The following LAMP5 variants were observed in gnomAD, a reference collection of about 807,000 sequenced individuals.
LAMP5 encodes the protein lysosome associated membrane protein 5.
A neutral mutation model predicts 30.2 loss-of-function variants in LAMP5; 36 were observed. That is an observed-to-expected ratio of 1.19 (90% CI 0.91 to 1.57). LAMP5 has a LOEUF of 1.57. LAMP5 is among the 40% of genes most tolerant of loss of function. The pLI is 0.00. For missense variants in LAMP5, 377 were observed against 354.9 expected, an observed-to-expected ratio of 1.06 and a Z score of -0.50; for synonymous variants, 149 against 134.6, an observed-to-expected ratio of 1.11 and a Z score of -0.74.
At position 9,515,644 on chromosome 20, in the gene LAMP5, C is replaced by T. The variant is rs186414732; in HGVS notation, c.237+19C>T. On this transcript the variant is annotated intron_variant, in intron 2 of 5. Transcript: ENST00000246070. ...CGTAGATGTAAGGAATCTTTCCCCC[C>T]CCTCAGCTTGCTCCTAGGGCTCCAG... 8.0e-4 allele frequency: 1,283 copies of T among 1,612,006 alleles called. 11 individuals are homozygous for T. The African/African-American group carries it at 0.014, about 18-fold the overall frequency.
At chr20:9,524,487 T>TC (rs1453822329) in intron 5 of LAMP5, among the ~76,000 whole-genome samples, 4 of 150,308 alleles carry the variant, frequency 2.7e-5, no homozygotes, top group African/African-American at 9.8e-5. Flanking sequence ...TTTTTTTTTT[T>TC]CCCGTGGGTC....
intron 3 of LAMP5, 30 bp from the exon 4 acceptor site, chr20:9,516,226 C>T (rs374930912): frequency 1.4e-5 from 23 of 1,612,530 alleles, no homozygotes; most frequent in Admixed American, 3.3e-5. Context: ...GCTGCGGGGA[C>T]GATTGAAGCG....
intron 5 of LAMP5, among the ~76,000 whole-genome samples, chr20:9,520,578 C>CGTGTGTGT (rs34089408): frequency 1.4e-5 from 2 of 144,514 alleles, no homozygotes; most frequent in East Asian, 2.1e-4. Context: ...TCCGTGTGTT[C>CGTGTGTGT]GTGTGTGTGT....
In LAMP5 at chr20:9,514,831, C is replaced by T; in HGVS notation, c.-22C>T. The stretch of plus-strand genomic sequence containing the variant: ...GCGGCCTCTGCAGCAGCACAGCCGG[C>T]CTCATTCGGGGCACTGCGAGTATGG... On this transcript the variant is annotated 5_prime_UTR_variant, in exon 1 of 6. Transcript: ENST00000246070. 1.2e-6 allele frequency: 2 copies of T among 1,613,372 alleles called. No homozygotes were observed. Among genetic ancestry groups the T allele is most frequent in the Non-Finnish European group, 1.7e-6 (2 of 1,179,400 alleles).
intron 4 of LAMP5, among the ~76,000 whole-genome samples, chr20:9,517,401 T>G (rs775467924): frequency 1.3e-5 from 2 of 152,074 alleles, no homozygotes; most frequent in African/African-American, 2.4e-5. Context: ...ACCAAGTCAC[T>G]GTTCCTTCTG....
Position 9,515,601 on chromosome 20 carries a change from T to C in LAMP5, c.213T>C (p.Asp71=). The part of the protein sequence containing the change: ...EFAAKFIVPY[D]VWASNYVDLI... ...CAGCCAAATTTATTGTACCTTATGA[T>C]GTGTGGGCCAGCAACTACGTAGATG... The change falls in exon 2 of 6, where the codon GAT becomes GAC. Residue 71 remains aspartate (D), a synonymous_variant. Transcript: ENST00000246070. 1.2e-6 allele frequency: 2 copies of C among 1,614,056 alleles called. No homozygotes were observed. The highest frequency in any genetic ancestry group is 1.7e-6 in the Non-Finnish European group (2 of 1,180,000).
intron 5 of LAMP5, among the ~76,000 whole-genome samples, chr20:9,527,656 T>C (rs1269964884): frequency 6.6e-6 from 1 of 152,216 alleles, no homozygotes; most frequent in Non-Finnish European, 1.5e-5. Flanking sequence ...CACTTGTGGC[T>C]CCTGATTTTG....
chr20:9,518,012 T>TGCC (rs370442630), intron 4 of LAMP5, 28 bp from the exon 5 acceptor site: 4 of 1,609,898 alleles, frequency 2.5e-6, no homozygotes, highest in East Asian at 2.2e-5. Context: ...ATGAGGGTTC[T>TGCC]AACTATTGCT....
At chr20:9,518,528 C>T (rs1374093661) in intron 5 of LAMP5, among the ~76,000 whole-genome samples, 1 of 152,182 alleles carries the variant, frequency 6.6e-6, no homozygotes, top group Non-Finnish European at 1.5e-5. Flanking sequence ...TCCCTCCCTT[C>T]TTATATTTCA....
chr20:9,522,209 C>T (rs2045083713), intron 5 of LAMP5, among the ~76,000 whole-genome samples: 1 of 152,152 alleles, frequency 6.6e-6, no homozygotes, highest in Non-Finnish European at 1.5e-5. Flanking sequence ...AATTCATGAG[C>T]TTTTTATTAT....
chr20:9,517,913 C>A (rs960500781), intron 4 of LAMP5, 127 bp from the exon 5 acceptor site: 14 of 736,430 alleles, frequency 1.9e-5, no homozygotes, highest in African/African-American at 1.8e-4. Context: ...GAGCCCTAGC[C>A]CTGGCAAGGG....
At chr20:9,526,882 A>ATG (rs2045117485) in intron 5 of LAMP5, among the ~76,000 whole-genome samples, 2 of 123,444 alleles carry the variant, frequency 1.6e-5, no homozygotes, top group Non-Finnish European at 3.6e-5. Flanking sequence ...ATATATATAT[A>ATG]TATATATATA....
At chr20:9,527,753 T>C (rs987131976) in intron 5 of LAMP5, among the ~76,000 whole-genome samples, 1 of 152,198 alleles carries the variant, frequency 6.6e-6, no homozygotes, top group Non-Finnish European at 1.5e-5. Flanking sequence ...GACAAACTGT[T>C]TGACCACTAG....
chr20:9,514,947 G>A, intron 1 of LAMP5, 31 bp downstream of exon 1: 1 of 1,599,278 alleles, frequency 6.3e-7, no homozygotes, highest in South Asian at 1.1e-5. Flanking sequence ...TGGGAGAGAG[G>A]ACGGGCACTC....
chr20:9,528,026 A>C (rs534344774), intron 5 of LAMP5, among the ~76,000 whole-genome samples: 1 of 152,328 alleles, frequency 6.6e-6, no homozygotes, highest in East Asian at 1.9e-4. Flanking sequence ...AGCATTATTC[A>C]CAATAGCAAA....
At chr20:9,525,076 T>C (rs899520581) in intron 5 of LAMP5, among the ~76,000 whole-genome samples, 41 of 152,308 alleles carry the variant, frequency 2.7e-4, no homozygotes, top group African/African-American at 9.9e-4. Flanking sequence ...ATTCTATTTT[T>C]TTTTCCTAAA....
At chr20:9,524,751 A>G (rs2045102088) in intron 5 of LAMP5, among the ~76,000 whole-genome samples, 2 of 152,186 alleles carry the variant, frequency 1.3e-5, no homozygotes, top group Admixed American at 1.3e-4. Flanking sequence ...GCAATCAAAC[A>G]TATTAATATA....
intron 2 of LAMP5, 65 bp from the exon 3 acceptor site, chr20:9,515,935 G>T (rs2045034122): frequency 2.8e-6 from 4 of 1,426,318 alleles, no homozygotes; most frequent in Non-Finnish European, 3.7e-6. Context: ...TGGACGCGCC[G>T]CCCTTTACAG....
chr20:9,519,043 A>G (rs966080341), intron 5 of LAMP5, among the ~76,000 whole-genome samples: 6 of 152,156 alleles, frequency 3.9e-5, no homozygotes, highest in African/African-American at 1.4e-4. Flanking sequence ...CATTCTTTTC[A>G]TCTCAGCACC....
Sources: gnomAD v4.1 joint callset for allele counts (sites outside exome capture counted in the v4.1 genomes callset) on GRCh38, gnomAD v4.1.1 for gene constraint, MANE v1.5 for transcripts, NCBI Gene and HGNC (gene_info 2026-07-23, HGNC 2026-07-21) for gene names.